IQCJ: variants seen among roughly 807,000 people sequenced by gnomAD.
The protein encoded by IQCJ is IQ motif containing J.
Under a neutral mutation model 11.0 loss-of-function variants are expected in IQCJ, and 9 were observed. That is an observed-to-expected ratio of 0.82 (90% CI 0.49 to 1.43). The LOEUF (loss-of-function observed/expected upper bound fraction) is 1.43, where lower values mean the gene tolerates loss of function less well. IQCJ is among the 40% of genes most tolerant of loss of function. IQCJ has a pLI of 0.00. For missense variants in IQCJ, 146 were observed against 133.2 expected (o/e 1.10, Z -0.47); for synonymous variants, 55 against 51.3 (o/e 1.07, Z -0.31).
intron 1 of IQCJ, 65 bp from the exon 2 acceptor site, chr3:159,245,778 C>A: frequency 2.2e-6 from 3 of 1,374,606 alleles, no homozygotes; most frequent in Non-Finnish European, 2.0e-6. Flanking sequence ...AACAGTTATG[C>A]TTGAATAGCA....
At chr3:159,211,757 C>A (rs1468659280) in intron 1 of IQCJ, among the ~76,000 whole-genome samples, 2 of 151,996 alleles carry the variant, frequency 1.3e-5, no homozygotes, top group Non-Finnish European at 2.9e-5. Context: ...TGGTGTGGAT[C>A]ATCAAGTTTC....
At chr3:159,154,885 C>T (rs751250084) in intron 1 of IQCJ, among the ~76,000 whole-genome samples, 16 of 152,136 alleles carry the variant, frequency 1.1e-4, no homozygotes, top group Non-Finnish European at 2.2e-4. Flanking sequence ...TTTTCCTTCT[C>T]TTGTTCCTGC....
At chr3:159,265,461 T>A, downstream of IQCJ, 1 of 1,364,938 alleles carries the variant, frequency 7.3e-7, no homozygotes, top group Non-Finnish European at 1.0e-6. Context: ...TGACTAAGCC[T>A]GTCATCAAGA....
At position 159,247,387 on chromosome 3, in the gene IQCJ, G is replaced by A. The variant is rs188050724; in HGVS notation, c.74+1480G>A. Among the ~76,000 whole-genome samples the A allele has an allele frequency of 2.2e-3, 329 of 152,258 alleles. 2 individuals are homozygous for A. The highest frequency in any genetic ancestry group is 7.5e-3 in the African/African-American group (311 of 41,534). ...TGGGATTACAGGTGTGAGCCACCGC[G>A]CCGGTCTATTTACTCAGGGTTCTAT... On this transcript the variant is annotated intron_variant, in intron 2 of 3. Coordinates refer to ENST00000397832, the MANE Select transcript of IQCJ (RefSeq NM_001042706.3).
At chr3:159,182,757 T>A (rs545452632) in intron 1 of IQCJ, among the ~76,000 whole-genome samples, 1 of 149,472 alleles carries the variant, frequency 6.7e-6, no homozygotes, top group East Asian at 2.0e-4. Flanking sequence ...AGGTCAGGGG[T>A]CAATCTTTAT....
intron 1 of IQCJ, among the ~76,000 whole-genome samples, chr3:159,083,602 T>G (rs1716485556): frequency 6.6e-6 from 1 of 152,180 alleles, no homozygotes; most frequent in South Asian, 2.1e-4. Context: ...ATAATTGCAC[T>G]GTTGGACATT....
intron 1 of IQCJ, among the ~76,000 whole-genome samples, chr3:159,162,676 C>G (rs1721933033): frequency 6.6e-6 from 1 of 151,782 alleles, no homozygotes; most frequent in Non-Finnish European, 1.5e-5. Flanking sequence ...AGACCACTAG[C>G]AAGACTAATA....
intron 1 of IQCJ, among the ~76,000 whole-genome samples, chr3:159,196,188 A>G (rs61243717): frequency 0.031 from 4,684 of 152,294 alleles, 245 homozygotes; most frequent in African/African-American, 0.11. Context: ...CATGCTCACA[A>G]TCAGTACAGT....
intron 1 of IQCJ, among the ~76,000 whole-genome samples, chr3:159,203,809 G>C (rs950901545): frequency 1.3e-5 from 2 of 152,170 alleles, no homozygotes; most frequent in Non-Finnish European, 2.9e-5. Flanking sequence ...TGGTGTACCA[G>C]GTGTGTGAGA....
chr3:159,228,681 C>T (rs909734500), intron 1 of IQCJ, among the ~76,000 whole-genome samples: 2 of 151,778 alleles, frequency 1.3e-5, no homozygotes, highest in Non-Finnish European at 2.9e-5. Context: ...GTCCCAGCTA[C>T]TTGGGAGGCT....
chr3:159,084,586 T>A (rs1166956822), intron 1 of IQCJ, among the ~76,000 whole-genome samples: 2 of 152,112 alleles, frequency 1.3e-5, no homozygotes, highest in East Asian at 1.9e-4. Context: ...TATTATTATA[T>A]CCACTTTACA....
chr3:159,235,522 C>T (rs1726527035), intron 1 of IQCJ, among the ~76,000 whole-genome samples: 1 of 152,170 alleles, frequency 6.6e-6, no homozygotes, highest in Admixed American at 6.5e-5. Flanking sequence ...GTCTAACAAT[C>T]CTGGATCCAG....
At chr3:159,209,722 A>G (rs959589330) in intron 1 of IQCJ, among the ~76,000 whole-genome samples, 4 of 152,086 alleles carry the variant, frequency 2.6e-5, no homozygotes, top group Admixed American at 2.6e-4. Flanking sequence ...TCTCCCTCCC[A>G]CAAGGGGTTT....
chr3:159,141,830 T>A (rs1720622877), intron 1 of IQCJ, among the ~76,000 whole-genome samples: 1 of 152,222 alleles, frequency 6.6e-6, no homozygotes, highest in South Asian at 2.1e-4. Flanking sequence ...CACTTGAGCA[T>A]TAATTATATT....
intron 1 of IQCJ, among the ~76,000 whole-genome samples, chr3:159,090,001 T>C (rs538396891): frequency 2.0e-5 from 3 of 151,930 alleles, no homozygotes; most frequent in Non-Finnish European, 4.4e-5. Flanking sequence ...GTGCTCTGCT[T>C]TTTAGAGTTT....
chr3:159,181,850 G>A (rs1400936967), intron 1 of IQCJ, among the ~76,000 whole-genome samples: 1 of 151,716 alleles, frequency 6.6e-6, no homozygotes, highest in Non-Finnish European at 1.5e-5. Flanking sequence ...TCTCCAAACT[G>A]ATGTTCCTTA....
intron 1 of IQCJ, among the ~76,000 whole-genome samples, chr3:159,159,396 A>G (rs574488529): frequency 6.6e-6 from 1 of 152,172 alleles, no homozygotes; most frequent in African/African-American, 2.4e-5. Context: ...GGAATTAGCT[A>G]GCTCTGGGAG....
At chr3:159,176,030 G>C (rs1021093218) in intron 1 of IQCJ, among the ~76,000 whole-genome samples, 2 of 152,250 alleles carry the variant, frequency 1.3e-5, no homozygotes, top group African/African-American at 4.8e-5. Flanking sequence ...TTTCCCTAAC[G>C]AATGATGCTG....
chr3:159,101,293 G>A (rs989062048), intron 1 of IQCJ, among the ~76,000 whole-genome samples: 26 of 151,318 alleles, frequency 1.7e-4, no homozygotes, highest in East Asian at 1.4e-3. Context: ...AGATGAACCC[G>A]GTACCTCAGA....
Sources: allele counts gnomAD v4.1 joint callset (sites outside exome capture counted in the v4.1 genomes callset), GRCh38; gene constraint gnomAD v4.1.1; transcripts MANE v1.5; gene names NCBI Gene and HGNC (gene_info 2026-07-23, HGNC 2026-07-21).